MGAT5B: variants seen among roughly 807,000 people sequenced by gnomAD.
MGAT5B encodes the protein alpha-1,6-mannosylglycoprotein 6-beta-N-acetylglucosaminyltransferase B, also known as N-acetylglucosaminyl-transferase Vb.
In MGAT5B, 54 loss-of-function variants were observed where a neutral mutation model predicts 95.1. That is an observed-to-expected ratio of 0.57 (90% confidence interval 0.46 to 0.71). MGAT5B has a LOEUF of 0.71. Ranked by LOEUF, MGAT5B falls within the 30% of genes least tolerant of loss-of-function variation. MGAT5B has a pLI of 0.00. For missense variants in MGAT5B, 935 were observed against 1,088.6 expected, an observed-to-expected ratio of 0.86 and a Z score of 1.99; for synonymous variants, 464 against 451.0, an observed-to-expected ratio of 1.03 and a Z score of -0.36.
intron 8 of MGAT5B, among the ~76,000 whole-genome samples, chr17:76,913,428 G>A (rs1968814137): frequency 6.6e-6 from 1 of 152,220 alleles, no homozygotes; most frequent in Admixed American, 6.5e-5. Context: ...CTCCAGGGCG[G>A]AGGATGCTGC....
intron 12 of MGAT5B, among the ~76,000 whole-genome samples, 161 bp from the exon 13 acceptor site, chr17:76,937,827 C>T (rs1441992759): frequency 6.6e-6 from 1 of 152,158 alleles, no homozygotes; most frequent in African/African-American, 2.4e-5. Flanking sequence ...GTTTTCAGGG[C>T]CAGAGAGGGG....
In MGAT5B at chr17:76,912,166, C is replaced by G. The variant is rs1968761084; in HGVS notation, c.1025+5979C>G. On this transcript the variant is annotated intron_variant, in intron 8 of 17. Transcript: ENST00000569840. The surrounding 1 kb of genome is among the most constrained non-coding windows in gnomAD (Gnocchi z 5.0). ...TAACTCCATTACCTCTGTAAGGACC[C>G]CAACTCCAAATAAGGTCATAGCCTG... Among the ~76,000 whole-genome samples the G allele has an allele frequency of 6.6e-6, 1 of 152,198 alleles. No homozygotes were observed. The highest frequency in any genetic ancestry group is 1.5e-5 in the Non-Finnish European group (1 of 68,034).
intron 8 of MGAT5B, among the ~76,000 whole-genome samples, chr17:76,909,089 G>A (rs1968640722): frequency 6.6e-6 from 1 of 152,160 alleles, no homozygotes; most frequent in Non-Finnish European, 1.5e-5. Flanking sequence ...TTATAGGCAT[G>A]AGCCACTGCG....
chr17:76,932,815 C>T lies in MGAT5B; in HGVS notation c.1422+40C>T, dbSNP rs759385899. The T allele has an allele frequency of 6.8e-6, 11 of 1,607,108 alleles. 1 individual carries two copies. In the South Asian group the frequency reaches 1.0e-4, roughly 15 times the overall value. On this transcript the variant is annotated intron_variant, in intron 11 of 17. Coordinates refer to ENST00000569840, the MANE Select transcript of MGAT5B (RefSeq NM_001199172.2). ...TGCGCGCGGGAAGCACCAGCCTGCT[C>T]GGCACAGGCCCCCGCCTGGGTCCCG...
chr17:76,939,029 G>GGGGGGGGTGTGTGT (rs1237086611), intron 13 of MGAT5B, among the ~76,000 whole-genome samples: 2 of 128,190 alleles, frequency 1.6e-5, no homozygotes, highest in African/African-American at 6.2e-5. Flanking sequence ...GCATCTTGGG[G>GGGGGGGGTGTGTGT]GTGTGTGTGT....
At chr17:76,936,838 C>T (rs1053786197) in intron 12 of MGAT5B, among the ~76,000 whole-genome samples, 1 of 152,178 alleles carries the variant, frequency 6.6e-6, no homozygotes, top group Non-Finnish European at 1.5e-5. Context: ...ATCTGGATTA[C>T]TGTAGCTTTA....
At chr17:76,944,242 A>ACGTCGT (rs202077241) in intron 15 of MGAT5B, 1 of 108,610 alleles carries the variant, frequency 9.2e-6, no homozygotes, top group Non-Finnish European at 2.2e-5. Flanking sequence ...GGCAGGCGGA[A>ACGTCGT]CGTCGTCGTC....
chr17:76,871,212 C>A (rs1966999035), intron 1 of MGAT5B, among the ~76,000 whole-genome samples: 1 of 152,200 alleles, frequency 6.6e-6, no homozygotes, highest in Non-Finnish European at 1.5e-5. Flanking sequence ...TGGGATCTCC[C>A]TGAGCATGGG....
chr17:76,924,766 C>T (rs1969243970), intron 8 of MGAT5B, among the ~76,000 whole-genome samples, 200 bp from the exon 9 acceptor site: 4 of 152,206 alleles, frequency 2.6e-5, no homozygotes, highest in Admixed American at 2.0e-4. Context: ...TGACCTCAGT[C>T]CCACCTGCCC....
chr17:76,905,912 TG>T lies in MGAT5B; in HGVS notation c.856-104del. 7.7e-7 allele frequency: 1 copy of T among 1,294,096 alleles called. No homozygotes were observed. The highest frequency in any genetic ancestry group is 1.0e-6 in the Non-Finnish European group (1 of 955,778). The allele number at this position is 1,294,096 out of a possible 1,614,324, so 80.2% of individuals were successfully genotyped here. On this transcript the variant is annotated intron_variant, in intron 7 of 17. Transcript: ENST00000569840. This position sits in a 1 kb window ranked among gnomAD's most constrained non-coding sequence, Gnocchi z 4.2. ...GGAAAGCACCTGCTGGGGCCCAGCCTGGAGACAGGGTCTGCTGCCGGCTGGT... is the reference window on the plus strand; with the variant it reads ...GGAAAGCACCTGCTGGGGCCCAGCCTGAGACAGGGTCTGCTGCCGGCTGGT...
chr17:76,874,461 G>T (rs1967115849), intron 2 of MGAT5B, among the ~76,000 whole-genome samples: 1 of 152,084 alleles, frequency 6.6e-6, no homozygotes, highest in East Asian at 1.9e-4. Context: ...TTGGGGAAGG[G>T]CTGGTGGGAA....
rs78586947 is a variant in MGAT5B at position 76,914,574 on chromosome 17, T to C, written c.1025+8387T>C. 0.027 allele frequency among the ~76,000 whole-genome samples: 4,112 copies of C among 152,026 alleles called. 171 individuals carry two copies. The highest frequency in any genetic ancestry group is 0.086 in the African/African-American group (3,560 of 41,390). The stretch of plus-strand genomic sequence containing the variant: ...CCGCAGGTGTTCTTAGAGGGGTAGA[T>C]GGTGTTCTCCCTACGTCCACATCTC... On this transcript the variant is annotated intron_variant, in intron 8 of 17. Transcript: ENST00000569840. The surrounding 1 kb of genome is among the most constrained non-coding windows in gnomAD (Gnocchi z 5.1).
chr17:76,933,468 C>T (rs1483753213), intron 12 of MGAT5B, among the ~76,000 whole-genome samples, 171 bp downstream of exon 12: 1 of 152,142 alleles, frequency 6.6e-6, no homozygotes, highest in Non-Finnish European at 1.5e-5. Context: ...CAGCAGGGTC[C>T]TAGGAGCCGT....
chr17:76,894,609 A>G (rs1598917043), intron 3 of MGAT5B, among the ~76,000 whole-genome samples: 1 of 152,108 alleles, frequency 6.6e-6, no homozygotes, highest in Non-Finnish European at 1.5e-5. Flanking sequence ...TAATCCCAGC[A>G]CTTTGGGAGG....
At chr17:76,879,496 C>T (rs1017480202) in intron 2 of MGAT5B, among the ~76,000 whole-genome samples, 24 of 152,210 alleles carry the variant, frequency 1.6e-4, no homozygotes, top group African/African-American at 5.3e-4. Flanking sequence ...GGGACTACTC[C>T]AGCCCGAGCT....
chr17:76,895,562 C>T (rs1011793961), intron 3 of MGAT5B, among the ~76,000 whole-genome samples: 2 of 152,174 alleles, frequency 1.3e-5, no homozygotes, highest in Non-Finnish European at 2.9e-5. Flanking sequence ...GGATCTGTTC[C>T]AGGCCCTGCT....
intron 3 of MGAT5B, 32 bp downstream of exon 3, chr17:76,882,330 C>T (rs752027516): frequency 6.5e-7 from 1 of 1,543,398 alleles, no homozygotes. Flanking sequence ...GCACACGGAG[C>T]AGGGGAGCGG....
chr17:76,892,563 G>A (rs1427399554), intron 3 of MGAT5B, among the ~76,000 whole-genome samples: 1 of 152,090 alleles, frequency 6.6e-6, no homozygotes, highest in Non-Finnish European at 1.5e-5. Context: ...TGATTTGCTA[G>A]GAGGACTCAG....
At chr17:76,939,696 C>T (rs1969802402) in intron 13 of MGAT5B, among the ~76,000 whole-genome samples, 1 of 152,060 alleles carries the variant, frequency 6.6e-6, no homozygotes, top group African/African-American at 2.4e-5. Context: ...TGGGAGTCCC[C>T]AGGTGTCTGT....
Sources: allele counts gnomAD v4.1 joint callset (sites outside exome capture counted in the v4.1 genomes callset), GRCh38; gene constraint gnomAD v4.1.1; non-coding constraint Gnocchi (gnomAD v3.1); transcripts MANE v1.5; gene names NCBI Gene and HGNC (gene_info 2026-07-23, HGNC 2026-07-21).